Variants in HSPG2 observed in about 807,000 individuals in gnomAD.
HSPG2 encodes basement membrane-specific heparan sulfate proteoglycan core protein.
HSPG2 carries 278 observed loss-of-function variants against 526.6 expected under a neutral mutation model. The observed-to-expected ratio is 0.53, with a 90% CI of 0.48 to 0.58. HSPG2 has a LOEUF of 0.58. Ranked by LOEUF, HSPG2 falls within the 20% of genes least tolerant of loss-of-function variation. HSPG2 has a pLI of 0.00. For synonymous variants in HSPG2, 2,465 were observed against 2,555.4 expected, an observed-to-expected ratio of 0.96 and a Z score of 1.07; for missense variants, 5,354 against 6,099.5, an observed-to-expected ratio of 0.88 and a Z score of 4.07.
chr1:21,915,032 CCTT>C (rs767428286), intron 1 of HSPG2, among the ~76,000 whole-genome samples: 21 of 151,678 alleles, frequency 1.4e-4, no homozygotes, highest in Non-Finnish European at 2.2e-4. Flanking sequence ...AGGACCGGCT[CCTT>C]ATGTTCCTGA....
chr1:21,933,024 G>T (rs1361054457), intron 1 of HSPG2, among the ~76,000 whole-genome samples: 1 of 152,112 alleles, frequency 6.6e-6, no homozygotes, highest in Non-Finnish European at 1.5e-5. Context: ...TTCGAGACCT[G>T]CCTGGGGGAA....
chr1:21,823,572 A>G, intron 96 of HSPG2, 44 bp downstream of exon 96: 1 of 1,609,670 alleles, frequency 6.2e-7, no homozygotes, highest in Non-Finnish European at 8.5e-7. Context: ...GCCCTAAGGG[A>G]GTGCCGTTCC....
rs1347829994 is a variant in HSPG2 at position 21,874,502 on chromosome 1, C to A, written c.3560G>T (p.Cys1187Phe). 1 of 1,613,202 alleles carries A rather than the reference C, an allele frequency of 6.2e-7. No homozygotes were observed. The highest frequency in any genetic ancestry group is 8.5e-7 in the Non-Finnish European group (1 of 1,179,986). The change falls in exon 28 of 97, where the codon TGT (cysteine) becomes TTT (phenylalanine). Residue 1187 changes from cysteine (C) to phenylalanine (F), a missense_variant. Transcript: ENST00000374695. ...GCQHHTEGPR[C>F]EQCQPGYYGD... ...GTAGTATCCTGGCTGGCACTGCTCA[C>A]ACCGAGGGCCCTCCGTGTGATGCTG...
chr1:21,839,458 C>A lies in HSPG2; in HGVS notation c.9802G>T (p.Val3268Leu). The A allele has an allele frequency of 1.9e-6, 3 of 1,614,064 alleles. No individual in the cohort carries two copies. The highest frequency in any genetic ancestry group is 2.5e-6 in the Non-Finnish European group (3 of 1,179,974). ...LEGDTLIIPR[V>L]AQQDSGQYIC... ...TACTGGCCCGAGTCCTGCTGGGCTA[C>A]CCGGGGTATGATGAGTGTGTCACCT... Residue 3268 changes from valine (V) to leucine (L), a missense_variant, in exon 73 of 97, where the codon GTA becomes TTA. Val to Leu is a conservative substitution (Grantham distance 32). Coordinates refer to ENST00000374695, the MANE Select transcript of HSPG2 (RefSeq NM_005529.7). This position sits in a 1 kb window ranked among gnomAD's most constrained non-coding sequence, Gnocchi z 4.5.
intron 6 of HSPG2, 135 bp downstream of exon 6, chr1:21,889,846 T>C (rs548450792): frequency 1.1e-6 from 1 of 889,582 alleles, no homozygotes; most frequent in African/African-American, 1.6e-5. Context: ...TAAAGATCGA[T>C]GGGGCAGACT....
At chr1:21,922,364 G>C (rs951545319) in intron 1 of HSPG2, among the ~76,000 whole-genome samples, 1 of 152,200 alleles carries the variant, frequency 6.6e-6, no homozygotes, top group Non-Finnish European at 1.5e-5. Flanking sequence ...ATTGATGGAC[G>C]GGAGCTAACA....
At chr1:21,935,754 T>C (rs925864200) in intron 1 of HSPG2, among the ~76,000 whole-genome samples, 2 of 151,990 alleles carry the variant, frequency 1.3e-5, no homozygotes, top group Admixed American at 1.3e-4. Flanking sequence ...ACGTGCTAGG[T>C]TGGTGCGTTG....
At position 21,898,110 on chromosome 1, in the gene HSPG2, T is replaced by C. The variant is rs1642878406; in HGVS notation, c.64-1800A>G. ...ACGGACAAAAACGGAATTCATCACC[T>C]ATGAATTCCAGTCACTCTGTGAAGA... On this transcript the variant is annotated intron_variant, in intron 1 of 96. Coordinates refer to ENST00000374695, the MANE Select transcript of HSPG2 (RefSeq NM_005529.7). This position sits in a 1 kb window ranked among gnomAD's most constrained non-coding sequence, Gnocchi z 4.0. Among the ~76,000 whole-genome samples, 1 of 152,246 alleles carries C rather than the reference T, an allele frequency of 6.6e-6. No homozygotes were observed. The highest frequency in any genetic ancestry group is 2.4e-5 in the African/African-American group (1 of 41,454).
intron 1 of HSPG2, among the ~76,000 whole-genome samples, chr1:21,933,719 A>C (rs1644408311): frequency 6.6e-6 from 1 of 152,208 alleles, no homozygotes; most frequent in Non-Finnish European, 1.5e-5. Flanking sequence ...TGCCCCTTCC[A>C]GCTTCTACCC....
At chr1:21,849,959 T>G in intron 57 of HSPG2, 82 bp downstream of exon 57, 3 of 1,565,512 alleles carry the variant, frequency 1.9e-6, no homozygotes, top group Non-Finnish European at 2.6e-6. Context: ...ATTACAGGCG[T>G]GAGCCACTGC....
At position 21,834,909 on chromosome 1, in the gene HSPG2, A is replaced by T. The variant is rs1443033973; in HGVS notation, c.10490T>A (p.Val3497Glu). The T allele has an allele frequency of 9.3e-6, 15 of 1,613,590 alleles. No homozygotes were observed. The highest frequency in any genetic ancestry group is 1.3e-5 in the Non-Finnish European group (15 of 1,179,938). The change falls in exon 77 of 97, where the codon GTG (valine) becomes GAG (glutamate). Residue 3497 changes from valine (V) to glutamate (E), a missense_variant. Physicochemically the swap from Val to Glu is moderately radical, Grantham distance 121. Transcript: ENST00000374695. ...PSVLINIRTS[V>E]QTVVVGHAVE... ...GGCGTGGCCAACCACCACGGTCTGC[A>T]CAGAGGTCCGGATGTTGATGAGCAC... is the stretch of plus-strand genomic sequence containing the variant.
chr1:21,848,919 A>G lies in HSPG2; in HGVS notation c.7559T>C (p.Ile2520Thr), dbSNP rs900344590. The G allele has an allele frequency of 6.2e-7, 1 of 1,613,614 alleles. No individual in the cohort carries two copies. Among genetic ancestry groups the G allele is most frequent in the Non-Finnish European group, 8.5e-7 (1 of 1,179,980 alleles). The change falls in exon 58 of 97, where the codon ATC (isoleucine) becomes ACC (threonine). Residue 2520 changes from isoleucine to threonine, a missense_variant. Ile to Thr is a moderately conservative substitution (Grantham distance 89, BLOSUM62 -1). Coordinates refer to ENST00000374695, the MANE Select transcript of HSPG2 (RefSeq NM_005529.7). This position sits in a 1 kb window ranked among gnomAD's most constrained non-coding sequence, Gnocchi z 4.9. ...GTQEASVLVT[I>T]QQRLSGSHSQ... ...GTGGGAGCCACTAAGGCGCTGCTGGATGGTGACAAGGACTGAGGCTTCCTG... is the reference window on the plus strand; with the variant it reads ...GTGGGAGCCACTAAGGCGCTGCTGGGTGGTGACAAGGACTGAGGCTTCCTG...
chr1:21,928,126 T>C (rs996153035), intron 1 of HSPG2, among the ~76,000 whole-genome samples: 3 of 152,232 alleles, frequency 2.0e-5, no homozygotes, highest in African/African-American at 7.2e-5. Flanking sequence ...GTAAAGCAAC[T>C]TGCCCAAGGT....
At chr1:21,934,544 G>A (rs1386923050) in intron 1 of HSPG2, among the ~76,000 whole-genome samples, 1 of 151,970 alleles carries the variant, frequency 6.6e-6, no homozygotes, top group Admixed American at 6.6e-5. Context: ...CGAGGCGAGA[G>A]GATCGCTTGA....
At chr1:21,889,386 C>A (rs573171483) in intron 6 of HSPG2, among the ~76,000 whole-genome samples, 1 of 152,174 alleles carries the variant, frequency 6.6e-6, no homozygotes, top group Non-Finnish European at 1.5e-5. Context: ...TGCACCTAAC[C>A]GCTGTGTGGC....
intron 1 of HSPG2, among the ~76,000 whole-genome samples, chr1:21,907,873 G>GGTT (rs1557819388): frequency 6.6e-6 from 1 of 152,172 alleles, no homozygotes; most frequent in African/African-American, 2.4e-5. Flanking sequence ...TTCAGCCCTT[G>GGTT]GTTAGCTGTG....
Position 21,872,571 on chromosome 1 carries a change from A to G in HSPG2, c.4029+49T>C. The stretch of plus-strand genomic sequence containing the variant: ...GCTCAGTGCTCAGATGGACAGTAAC[A>G]GGCAGCAGGTGGCAACACCGCCTGG... On this transcript the variant is annotated intron_variant, in intron 32 of 96. Coordinates refer to ENST00000374695, the MANE Select transcript of HSPG2 (RefSeq NM_005529.7). This position sits in a 1 kb window ranked among gnomAD's most constrained non-coding sequence, Gnocchi z 5.5. The G allele has an allele frequency of 6.4e-7, 1 of 1,555,980 alleles. No homozygotes were observed. Among genetic ancestry groups the G allele is most frequent in the Non-Finnish European group, 8.7e-7 (1 of 1,149,736 alleles).
intron 1 of HSPG2, among the ~76,000 whole-genome samples, chr1:21,914,691 G>A (rs1442823919): frequency 6.6e-6 from 1 of 152,134 alleles, no homozygotes; most frequent in African/African-American, 2.4e-5. Flanking sequence ...GTCACTCATG[G>A]GCTAGAGATG....
chr1:21,875,886 T>C lies in HSPG2; in HGVS notation c.3160A>G (p.Thr1054Ala). ...ACCTCCCGGAAAGGCACAATGAAGG[T>C]GCTGGGCTGGCCGGGGCTGGGCTCC... is the stretch of plus-strand genomic sequence containing the variant. ...AQEPSPGQPS[T>A]FIVPFREQAW... Residue 1054 changes from threonine to alanine, a missense_variant, in exon 24 of 97, where the codon ACC becomes GCC. By Grantham distance (58) the Thr-to-Ala change is moderately conservative (BLOSUM62 0). Transcript: ENST00000374695. The C allele has an allele frequency of 6.2e-7, 1 of 1,614,062 alleles. No individual in the cohort carries two copies. Among genetic ancestry groups the C allele is most frequent in the African/African-American group, 1.3e-5 (1 of 75,062 alleles).
Sources: allele counts gnomAD v4.1 joint callset (sites outside exome capture counted in the v4.1 genomes callset), GRCh38; gene constraint gnomAD v4.1.1; non-coding constraint Gnocchi (gnomAD v3.1); transcripts MANE v1.5; gene names NCBI Gene and HGNC (gene_info 2026-07-23, HGNC 2026-07-21).